Variants in PAH observed in about 807,000 individuals in gnomAD.
PAH encodes phenylalanine-4-hydroxylase.
PAH carries 64 observed loss-of-function variants against 62.0 expected under a neutral mutation model. The observed-to-expected ratio is 1.03, with a 90% CI of 0.84 to 1.27. The LOEUF is 1.27. Among genes scored for constraint, PAH ranks in the 50% most tolerant of loss-of-function variants. The pLI, the probability that PAH is intolerant of heterozygous loss-of-function variation, is 0.00. For missense variants in PAH, 579 were observed against 542.8 expected, an observed-to-expected ratio of 1.07 and a Z score of -0.66; for synonymous variants, 195 against 196.2, an observed-to-expected ratio of 0.99 and a Z score of 0.05.
intron 1 of PAH, among the ~76,000 whole-genome samples, chr12:102,945,723 C>T (rs1266316415): frequency 6.6e-6 from 1 of 152,144 alleles, no homozygotes; most frequent in South Asian, 2.1e-4. Flanking sequence ...CCAGGGCAGT[C>T]CAGAAATGCC....
intron 2 of PAH, among the ~76,000 whole-genome samples, chr12:102,909,834 C>G (rs1413460987): frequency 6.6e-6 from 1 of 152,084 alleles, no homozygotes; most frequent in Non-Finnish European, 1.5e-5. Flanking sequence ...TGGCATGTGC[C>G]TGTAGTCCCA....
At chr12:102,883,493 G>C (rs927568856) in intron 3 of PAH, among the ~76,000 whole-genome samples, 1 of 152,120 alleles carries the variant, frequency 6.6e-6, no homozygotes, top group Non-Finnish European at 1.5e-5. Context: ...CAGCCCTCTT[G>C]GTAGGAGAAA....
chr12:102,888,540 A>G (rs1225040333), intron 3 of PAH, among the ~76,000 whole-genome samples: 1 of 149,196 alleles, frequency 6.7e-6, no homozygotes, highest in African/African-American at 2.5e-5. Flanking sequence ...TGACCTGGCA[A>G]ACTAGATGGG....
chr12:102,921,921 A>G (rs574915355), upstream of PAH, among the ~76,000 whole-genome samples: 7 of 152,032 alleles, frequency 4.6e-5, no homozygotes, highest in Non-Finnish European at 1.0e-4. Flanking sequence ...GCTCCAAGTT[A>G]TATAATTTTT....
rs564792221 is a variant in PAH, at chr12:102,931,942, A to C, written c.-95-14717T>G. ...AAAAAACCACTGGTAAATGAAGCAG[A>C]CACAGCCCCTGCCATCCTGGGGCTT... On this transcript the variant is annotated intron_variant, in intron 1 of 3. Transcript: ENST00000546844. Among the ~76,000 whole-genome samples the C allele has an allele frequency of 6.6e-5, 10 of 152,320 alleles. No individual in the cohort carries two copies. The East Asian group carries it at 1.7e-3, about 26-fold the overall frequency.
At chr12:102,927,280 GTT>G (rs34781084) in intron 1 of PAH, among the ~76,000 whole-genome samples, 3,182 of 129,178 alleles carry the variant, frequency 0.025, 62 homozygotes, top group African/African-American at 0.055. Flanking sequence ...CTTCAAAAAA[GTT>G]TTTTTTTTTT....
chr12:102,897,734 T>C (rs888100655), intron 2 of PAH, among the ~76,000 whole-genome samples: 2 of 152,178 alleles, frequency 1.3e-5, no homozygotes, highest in Non-Finnish European at 2.9e-5. Context: ...CCAAATTCCT[T>C]GGACTCCTCT....
At chr12:102,866,407 T>C (rs1875962924) in intron 5 of PAH, among the ~76,000 whole-genome samples, 189 bp downstream of exon 5, 3 of 152,128 alleles carry the variant, frequency 2.0e-5, no homozygotes, top group African/African-American at 4.8e-5. Context: ...TTTTTTATCA[T>C]GTGTTATTAA....
At chr12:102,899,561 A>G (rs750354772) in intron 2 of PAH, among the ~76,000 whole-genome samples, 2 of 152,192 alleles carry the variant, frequency 1.3e-5, no homozygotes, top group Non-Finnish European at 2.9e-5. Context: ...TTAGGCAATC[A>G]TTAAAAAGTG....
chr12:102,887,408 C>T (rs1877087009), intron 3 of PAH, among the ~76,000 whole-genome samples: 1 of 152,050 alleles, frequency 6.6e-6, no homozygotes, highest in South Asian at 2.1e-4. Context: ...CAATCCCACA[C>T]ATGAAGTTGT....
At chr12:102,941,515 T>A (rs762655542) in intron 1 of PAH, among the ~76,000 whole-genome samples, 5 of 152,150 alleles carry the variant, frequency 3.3e-5, no homozygotes, top group Non-Finnish European at 7.4e-5. Flanking sequence ...TATTGTTACT[T>A]CAGGCAAAAC....
chr12:102,938,774 A>G (rs2136758790), intron 1 of PAH, among the ~76,000 whole-genome samples: 1 of 152,224 alleles, frequency 6.6e-6, no homozygotes, highest in Admixed American at 6.5e-5. Flanking sequence ...AGCCTCCAAC[A>G]TGCTGTAGTA....
At chr12:102,877,343 A>G (rs1267659754) in intron 4 of PAH, 119 bp downstream of exon 4, 3 of 827,160 alleles carry the variant, frequency 3.6e-6, no homozygotes, top group Admixed American at 1.7e-5. Context: ...ATAGGAACAC[A>G]ATAAGTGTTT....
Position 102,855,218 on chromosome 12 carries a change from G to A in PAH, c.624C>T (p.His208=), listed in dbSNP as rs1875362385. ...AGTACTTTTCAAGAAGTGGAAAAAT[G>A]TGATTGTACTCATAGCAAGCATGGG... ...YKTHACYEYN[H]IFPLLEKYCG... The change falls in exon 6 of 13, where the codon CAC becomes CAT. Residue 208 remains histidine (H), a synonymous_variant. Transcript: ENST00000553106. 1 of 1,614,012 alleles carries A rather than the reference G, an allele frequency of 6.2e-7. No individual in the cohort carries two copies. The highest frequency in any genetic ancestry group is 8.5e-7 in the Non-Finnish European group (1 of 1,179,982).
chr12:102,908,133 A>G (rs563365512), intron 2 of PAH, among the ~76,000 whole-genome samples: 13 of 152,106 alleles, frequency 8.5e-5, no homozygotes, highest in African/African-American at 2.9e-4. Flanking sequence ...TGACCTGTGC[A>G]GTTGAGATTC....
chr12:102,858,325 G>T (rs1875541168), intron 5 of PAH, among the ~76,000 whole-genome samples: 1 of 152,152 alleles, frequency 6.6e-6, no homozygotes, highest in African/African-American at 2.4e-5. Flanking sequence ...GATTCATAAA[G>T]CAAGTCGTTA....
chr12:102,863,311 A>G (rs1207004600), intron 5 of PAH, among the ~76,000 whole-genome samples: 1 of 152,156 alleles, frequency 6.6e-6, no homozygotes, highest in African/African-American at 2.4e-5. Flanking sequence ...ATTTCAAGAA[A>G]TGGTAACATC....
intron 11 of PAH, 28 bp downstream of exon 11, chr12:102,843,618 T>C: frequency 6.2e-7 from 1 of 1,612,874 alleles, no homozygotes; most frequent in Non-Finnish European, 8.5e-7. Flanking sequence ...CCCCCAGAGC[T>C]AGTGGCTCAC....
chr12:102,949,059 A>C lies in PAH; in HGVS notation c.-96+1530T>G, dbSNP rs113615954. Reference sequence around the variant, plus strand: ...GTGGCGAACGACCCACACAACTCGCAGAAATTACAGCTTCTCGGGGTCCCA... The same window carrying C: ...GTGGCGAACGACCCACACAACTCGCCGAAATTACAGCTTCTCGGGGTCCCA... On this transcript the variant is annotated intron_variant, in intron 1 of 3. Transcript: ENST00000546844. Among the ~76,000 whole-genome samples the C allele has an allele frequency of 9.7e-3, 1,471 of 152,288 alleles. 20 individuals carry two copies. The highest frequency in any genetic ancestry group is 0.034 in the African/African-American group (1,415 of 41,564).
Sources: gnomAD v4.1 joint callset for allele counts (sites outside exome capture counted in the v4.1 genomes callset) on GRCh38, gnomAD v4.1.1 for gene constraint, MANE v1.5 for transcripts, NCBI Gene and HGNC (gene_info 2026-07-23, HGNC 2026-07-21) for gene names.